The following PUDP variants were observed in gnomAD, a reference collection of about 807,000 sequenced individuals.
The protein encoded by PUDP is pseudouridine-5'-phosphatase.
PUDP carries 8 observed loss-of-function variants against 9.4 expected under a neutral mutation model. That is an observed-to-expected ratio of 0.85 (90% CI 0.50 to 1.53). The LOEUF is 1.53. Ranked by LOEUF, PUDP falls within the 40% of genes most tolerant of loss-of-function variation. The pLI, the probability that PUDP is intolerant of heterozygous loss-of-function variation, is 0.00. For synonymous variants in PUDP, 99 were observed against 80.7 expected (o/e 1.23, Z -1.22); for missense variants, 188 against 189.7 (o/e 0.99, Z 0.05).
At chrX:7,076,653 T>C (rs1024862878) in intron 3 of PUDP, among the ~76,000 whole-genome samples, 8 of 111,814 alleles carry the variant, frequency 7.2e-5, no homozygotes, top group African/African-American at 2.6e-4. Context: ...CAAGCAGCCG[T>C]GGTGCGGGAC....
chrX:6,713,797 C>T (rs901538722), intron 1 of PUDP, among the ~76,000 whole-genome samples: 1 of 110,744 alleles, frequency 9.0e-6, no homozygotes, highest in Non-Finnish European at 1.9e-5. Flanking sequence ...AGATTGAAGC[C>T]GTCTCCAGAT....
intron 3 of PUDP, among the ~76,000 whole-genome samples, chrX:6,776,001 T>G (rs1293002242): frequency 8.9e-6 from 1 of 111,811 alleles, no homozygotes; most frequent in East Asian, 2.8e-4. Flanking sequence ...TTCACCTTAC[T>G]GAGGAAATGA....
chrX:6,945,587 A>G (rs980453679), intron 3 of PUDP, among the ~76,000 whole-genome samples: 1 of 111,723 alleles, frequency 9.0e-6, no homozygotes, highest in Non-Finnish European at 1.9e-5. Flanking sequence ...GTTTATTAAA[A>G]AGATGAAATT....
intron 3 of PUDP, among the ~76,000 whole-genome samples, chrX:6,969,448 T>C (rs1295609194): frequency 8.9e-6 from 1 of 112,291 alleles, no homozygotes; most frequent in East Asian, 2.8e-4. Flanking sequence ...AGATCTCTTA[T>C]GTTTTTCAGA....
intron 3 of PUDP, among the ~76,000 whole-genome samples, chrX:6,751,138 T>C (rs919149419): frequency 1.6e-4 from 16 of 97,534 alleles, no homozygotes; most frequent in African/African-American, 5.9e-4. Context: ...TGAGAATCCG[T>C]CTAAAAAAAA....
intron 3 of PUDP, among the ~76,000 whole-genome samples, chrX:6,733,658 G>A (rs1371451412): frequency 9.1e-6 from 1 of 110,174 alleles, no homozygotes; most frequent in Non-Finnish European, 1.9e-5. Flanking sequence ...GAAAGGTTTG[G>A]CTGCGGATCT....
intron 1 of PUDP, among the ~76,000 whole-genome samples, chrX:7,021,432 C>G (rs779155740): frequency 2.2e-4 from 25 of 111,457 alleles, no homozygotes; most frequent in Non-Finnish European, 4.1e-4. Context: ...ATGCACCCCC[C>G]CTTAGTTTCT....
At chrX:6,897,955 T>C (rs1927616749) in intron 3 of PUDP, among the ~76,000 whole-genome samples, 1 of 112,247 alleles carries the variant, frequency 8.9e-6, no homozygotes, top group African/African-American at 3.2e-5. Flanking sequence ...CATTGTAGGT[T>C]TCACATAGAA....
At chrX:6,754,209 T>G (rs908183879) in intron 3 of PUDP, among the ~76,000 whole-genome samples, 1 of 111,557 alleles carries the variant, frequency 9.0e-6, no homozygotes, top group Non-Finnish European at 1.9e-5. Context: ...ACCTCCATGC[T>G]ATTCTTATGA....
intron 3 of PUDP, among the ~76,000 whole-genome samples, chrX:6,832,519 T>C (rs1490662647): frequency 1.8e-5 from 2 of 112,168 alleles, no homozygotes; most frequent in Non-Finnish European, 3.8e-5. Context: ...AACTGGCATG[T>C]TAACGGCAAT....
intron 3 of PUDP, among the ~76,000 whole-genome samples, chrX:6,885,665 C>T (rs1927412171): frequency 8.9e-6 from 1 of 112,277 alleles, no homozygotes; most frequent in Non-Finnish European, 1.9e-5. Context: ...CACACTATAT[C>T]GGCAGTGAGT....
chrX:6,924,926 C>T (rs755989621), intron 3 of PUDP, among the ~76,000 whole-genome samples: 1 of 112,198 alleles, frequency 8.9e-6, no homozygotes, highest in Non-Finnish European at 1.9e-5. Context: ...CCAGAATGCT[C>T]GTGGGAAGAC....
intron 3 of PUDP, among the ~76,000 whole-genome samples, chrX:6,775,722 G>A (rs1452144301): frequency 9.1e-6 from 1 of 110,345 alleles, no homozygotes; most frequent in Non-Finnish European, 1.9e-5. Flanking sequence ...GATGAGGGTG[G>A]AGCCCTTATG....
intron 3 of PUDP, among the ~76,000 whole-genome samples, chrX:6,805,669 A>G (rs1166759658): frequency 9.3e-6 from 1 of 107,941 alleles, no homozygotes; most frequent in Non-Finnish European, 1.9e-5. Flanking sequence ...ATAAGTGTGC[A>G]CAACTACACG....
At chrX:6,896,837 C>A (rs749015080) in intron 3 of PUDP, among the ~76,000 whole-genome samples, 13 of 111,356 alleles carry the variant, frequency 1.2e-4, no homozygotes, top group Non-Finnish European at 2.1e-4. Flanking sequence ...ATAGATGTGG[C>A]GGGACAGAAG....
At chrX:6,758,819 G>A (rs1045743808) in intron 3 of PUDP, among the ~76,000 whole-genome samples, 5 of 111,380 alleles carry the variant, frequency 4.5e-5, no homozygotes, top group African/African-American at 9.8e-5. Context: ...ATCAACGTGC[G>A]GAAGGCAAGC....
intron 3 of PUDP, among the ~76,000 whole-genome samples, chrX:6,973,646 A>T (rs1448824811): frequency 2.7e-5 from 3 of 111,718 alleles, no homozygotes; most frequent in African/African-American, 9.8e-5. Context: ...ATTTTAGAAT[A>T]TGTGCGATGT....
chrX:7,058,020 T>G (rs1930296045), intron 3 of PUDP, among the ~76,000 whole-genome samples: 1 of 110,994 alleles, frequency 9.0e-6, no homozygotes, highest in Admixed American at 9.6e-5. Context: ...TGCCCACCAT[T>G]TCTTCTCAGC....
chrX:7,105,830 G>A lies in PUDP; in HGVS notation c.70C>T (p.Arg24Trp), dbSNP rs778192547. 8.5e-6 allele frequency: 10 copies of A among 1,176,607 alleles called. No homozygotes were observed. Among genetic ancestry groups the A allele is most frequent in the East Asian group, 6.0e-5 (2 of 33,584 alleles). Residue 24 changes from arginine to tryptophan, a missense_variant, in exon 2 of 4, where the codon CGG (arginine) becomes TGG (tryptophan). Arg to Trp is a moderately radical substitution (Grantham distance 101). Transcript: ENST00000381077. ...TCTTGAAACACCACTGAATACAGCC[G>A]TTCAGTATCTGCAGGAAAAAAAAAA... The part of the protein sequence containing the change: ...DMDGLLLDTE[R>W]LYSVVFQEIC...
Sources: gnomAD v4.1 joint callset for allele counts (sites outside exome capture counted in the v4.1 genomes callset) on GRCh38, gnomAD v4.1.1 for gene constraint, MANE v1.5 for transcripts, NCBI Gene and HGNC (gene_info 2026-07-23, HGNC 2026-07-21) for gene names.